The following NTM variants were observed in gnomAD, a reference collection of about 807,000 sequenced individuals.
The protein encoded by NTM is neurotrimin.
A neutral mutation model predicts 42.1 loss-of-function variants in NTM; 13 were observed. That is an observed-to-expected ratio of 0.31 (90% CI 0.20 to 0.49). The LOEUF (loss-of-function observed/expected upper bound fraction) is 0.49. NTM is among the 20% of genes least tolerant of loss of function. The pLI is 0.99. For synonymous variants in NTM, 187 were observed against 179.2 expected (o/e 1.04, Z -0.35); for missense variants, 373 against 452.8 (o/e 0.82, Z 1.60).
intron 1 of NTM, among the ~76,000 whole-genome samples, chr11:131,575,234 T>C (rs919453600): frequency 6.6e-6 from 1 of 152,152 alleles, no homozygotes; most frequent in Non-Finnish European, 1.5e-5. Context: ...AGTTTAACAT[T>C]GTTAAATTAT....
At chr11:131,900,434 G>C (rs2052977443) in intron 1 of NTM, among the ~76,000 whole-genome samples, 1 of 152,208 alleles carries the variant, frequency 6.6e-6, no homozygotes, top group Admixed American at 6.5e-5. Flanking sequence ...CAGTGACAAG[G>C]TCAGATTTCA....
chr11:131,838,805 C>A (rs1265808796), intron 1 of NTM, among the ~76,000 whole-genome samples: 1 of 152,004 alleles, frequency 6.6e-6, no homozygotes, highest in Non-Finnish European at 1.5e-5. Context: ...TTCATTCATT[C>A]AAAAAATATC....
intron 2 of NTM, among the ~76,000 whole-genome samples, chr11:132,127,558 A>G (rs541456025): frequency 6.6e-6 from 1 of 152,332 alleles, no homozygotes; most frequent in Admixed American, 6.5e-5. Context: ...TTTTACAACC[A>G]GCAATCTGCT....
intron 1 of NTM, among the ~76,000 whole-genome samples, chr11:131,768,757 G>C (rs934546798): frequency 3.9e-5 from 6 of 152,102 alleles, no homozygotes; most frequent in African/African-American, 1.2e-4. Context: ...TGATACATGG[G>C]AACTCTATTG....
chr11:131,473,416 T>C (rs1952634122), intron 1 of NTM, among the ~76,000 whole-genome samples: 1 of 152,176 alleles, frequency 6.6e-6, no homozygotes, highest in African/African-American at 2.4e-5. Context: ...TGAAGGCGTA[T>C]TCATCAGACA....
At chr11:131,844,003 T>C (rs1385184831) in intron 1 of NTM, among the ~76,000 whole-genome samples, 2 of 152,200 alleles carry the variant, frequency 1.3e-5, no homozygotes, top group African/African-American at 2.4e-5. Flanking sequence ...CTTCTTTTTT[T>C]TGTAGAGAAC....
intron 7 of NTM, among the ~76,000 whole-genome samples, chr11:132,328,615 T>C (rs536040296): frequency 5.9e-5 from 9 of 152,288 alleles, no homozygotes; most frequent in South Asian, 2.1e-4. Flanking sequence ...CAGCACAGTC[T>C]GAACCAGTAC....
At chr11:131,463,484 C>T (rs1477979375) in intron 1 of NTM, among the ~76,000 whole-genome samples, 4 of 152,088 alleles carry the variant, frequency 2.6e-5, no homozygotes, top group Non-Finnish European at 5.9e-5. Flanking sequence ...CCGCTGGGGC[C>T]CCAGGCTTGG....
In NTM at chr11:131,521,383, C is replaced by CTTTTTTTTTTTT. The variant is rs773233050; in HGVS notation, c.82+150523_82+150534dup. Among the ~76,000 whole-genome samples the CTTTTTTTTTTTT allele has an allele frequency of 2.0e-4, 9 of 45,756 alleles. 4 individuals carry two copies. The highest frequency in any genetic ancestry group is 2.0e-4 in the Non-Finnish European group (5 of 25,550). The allele number at this position is 45,756 out of a possible 152,430, so 30.0% of individuals were successfully genotyped here. On this transcript the variant is annotated intron_variant, in intron 1 of 8. Coordinates refer to ENST00000683400, the MANE Select transcript of NTM (RefSeq NM_001352005.2). ...AATGCAGAAGAAGCAAGGTGCCAGT[C>CTTTTTTTTTTTT]TTTTTTTTTTTTTTTTTTTTTTTTT...
intron 1 of NTM, among the ~76,000 whole-genome samples, chr11:131,907,654 G>A (rs1420151357): frequency 6.6e-6 from 1 of 152,220 alleles, no homozygotes; most frequent in Non-Finnish European, 1.5e-5. Context: ...GGAGATGGTG[G>A]GAAAGAGGGT....
intron 1 of NTM, among the ~76,000 whole-genome samples, chr11:131,904,774 AAAGC>A (rs952292603): frequency 1.6e-4 from 25 of 152,276 alleles, no homozygotes; most frequent in Non-Finnish European, 3.2e-4. Flanking sequence ...ACTGAAAGAG[AAAGC>A]TGCCTCCTCT....
chr11:131,718,070 G>T (rs1325360312), intron 1 of NTM, among the ~76,000 whole-genome samples: 1 of 152,126 alleles, frequency 6.6e-6, no homozygotes, highest in Non-Finnish European at 1.5e-5. Flanking sequence ...ACATGGCCCT[G>T]ATGTATACTT....
At chr11:131,540,224 G>A (rs1006361102) in intron 1 of NTM, among the ~76,000 whole-genome samples, 2 of 124,726 alleles carry the variant, frequency 1.6e-5, no homozygotes, top group African/African-American at 3.0e-5. Flanking sequence ...GAGTGCAGTG[G>A]CATAATCTTG....
At chr11:131,626,534 A>G (rs566699783) in intron 1 of NTM, among the ~76,000 whole-genome samples, 2 of 152,210 alleles carry the variant, frequency 1.3e-5, no homozygotes, top group South Asian at 4.1e-4. Flanking sequence ...GGATTCCTCA[A>G]TAGGAGATGA....
At chr11:131,800,744 C>T (rs917825812) in intron 1 of NTM, among the ~76,000 whole-genome samples, 1 of 152,150 alleles carries the variant, frequency 6.6e-6, no homozygotes, top group African/African-American at 2.4e-5. Context: ...TGCAATTTGG[C>T]CTTGCACATC....
At chr11:132,111,375 CA>C (rs549144450) in intron 2 of NTM, among the ~76,000 whole-genome samples, 4 of 151,808 alleles carry the variant, frequency 2.6e-5, no homozygotes, top group Non-Finnish European at 5.9e-5. Flanking sequence ...TTTTAGAAAA[CA>C]AAAACAAAAC....
At chr11:132,243,767 G>C (rs2090603101) in intron 4 of NTM, among the ~76,000 whole-genome samples, 1 of 152,192 alleles carries the variant, frequency 6.6e-6, no homozygotes, top group African/African-American at 2.4e-5. Flanking sequence ...GGTGGAGCCA[G>C]GAAGCCTGGA....
intron 4 of NTM, among the ~76,000 whole-genome samples, chr11:132,218,043 T>C (rs1355966272): frequency 6.6e-6 from 1 of 152,096 alleles, no homozygotes; most frequent in Non-Finnish European, 1.5e-5. Context: ...TGTGAAAAAG[T>C]GTCAGGAGCA....
At chr11:132,255,896 A>G (rs2092431304) in intron 4 of NTM, among the ~76,000 whole-genome samples, 1 of 151,950 alleles carries the variant, frequency 6.6e-6, no homozygotes, top group African/African-American at 2.4e-5. Flanking sequence ...TCGGTTGCAC[A>G]TCTTCACCTC....
Sources: gnomAD v4.1 joint callset for allele counts (sites outside exome capture counted in the v4.1 genomes callset) on GRCh38, gnomAD v4.1.1 for gene constraint, MANE v1.5 for transcripts, NCBI Gene and HGNC (gene_info 2026-07-23, HGNC 2026-07-21) for gene names.